CNTN1: variants seen among roughly 807,000 people sequenced by gnomAD.
CNTN1 encodes contactin 1, also known as contactin-1.
CNTN1 carries 38 observed loss-of-function variants against 126.4 expected under a neutral mutation model. That is an observed-to-expected ratio of 0.30 (90% CI 0.23 to 0.39). The LOEUF (loss-of-function observed/expected upper bound fraction) is 0.39, where lower values mean the gene tolerates loss of function less well. CNTN1 is among the 10% of genes least tolerant of loss of function. The pLI is 1.00. For synonymous variants in CNTN1, 413 were observed against 422.6 expected (o/e 0.98, Z 0.28); for missense variants, 1,009 against 1,248.4 (o/e 0.81, Z 2.89).
chr12:41,035,376 C>T (rs1174482899), intron 23 of CNTN1, among the ~76,000 whole-genome samples: 1 of 152,110 alleles, frequency 6.6e-6, no homozygotes. Context: ...AAAACTTACT[C>T]TTCAAACATT....
chr12:40,920,759 A>T (rs189315653), intron 4 of CNTN1, among the ~76,000 whole-genome samples: 6 of 152,216 alleles, frequency 3.9e-5, no homozygotes, highest in East Asian at 1.9e-4. Flanking sequence ...GGCTTTCATT[A>T]TCTTGCCCCC....
intron 1 of CNTN1, among the ~76,000 whole-genome samples, chr12:40,726,104 G>A (rs1326479693): frequency 6.6e-6 from 1 of 152,026 alleles, no homozygotes; most frequent in East Asian, 1.9e-4. Context: ...TAGGGAGGGG[G>A]AAAGAATGTG....
intron 1 of CNTN1, among the ~76,000 whole-genome samples, chr12:40,841,183 A>C (rs1942265115): frequency 1.3e-5 from 2 of 151,956 alleles, no homozygotes; most frequent in African/African-American, 4.8e-5. Flanking sequence ...ACACTGAAAA[A>C]CTGGAAATGG....
intron 18 of CNTN1, among the ~76,000 whole-genome samples, chr12:41,015,723 A>G (rs924146218): frequency 6.6e-6 from 1 of 151,166 alleles, no homozygotes; most frequent in Non-Finnish European, 1.5e-5. Flanking sequence ...TTTCTGGTAA[A>G]AAAAAAAAAA....
At chr12:41,022,223 G>A (rs1198998573) in intron 20 of CNTN1, among the ~76,000 whole-genome samples, 1 of 152,062 alleles carries the variant, frequency 6.6e-6, no homozygotes, top group African/African-American at 2.4e-5. Flanking sequence ...TTTTAATTGG[G>A]AACTAAACCT....
chr12:40,837,964 C>T (rs1210938151), intron 1 of CNTN1, among the ~76,000 whole-genome samples: 1 of 152,150 alleles, frequency 6.6e-6, no homozygotes, highest in Non-Finnish European at 1.5e-5. Context: ...GATAACCCCA[C>T]CCTCTCCAAT....
At chr12:40,704,599 G>C (rs1941688698) in intron 1 of CNTN1, among the ~76,000 whole-genome samples, 1 of 152,074 alleles carries the variant, frequency 6.6e-6, no homozygotes, top group Admixed American at 6.6e-5. Flanking sequence ...TTTATCCCTA[G>C]CTATGGCTTA....
chr12:40,847,155 T>C (rs1942540616), intron 1 of CNTN1, among the ~76,000 whole-genome samples: 1 of 152,174 alleles, frequency 6.6e-6, no homozygotes, highest in Admixed American at 6.5e-5. Flanking sequence ...CGTGAGCGAC[T>C]GTGCCTGGCC....
rs184617338 is a variant in CNTN1, at chr12:41,035,205, T to C, written c.2980+5986T>C. On this transcript the variant is annotated intron_variant, in intron 23 of 23. Coordinates refer to ENST00000551295, the MANE Select transcript of CNTN1 (RefSeq NM_001843.4). ...ACTCAGAAATAATTTTGCTGAAACA[T>C]TCCTTGATGGAACACATGTAAGAAT... Among the ~76,000 whole-genome samples, 859 of 152,302 alleles carry C rather than the reference T, an allele frequency of 5.6e-3. 23 individuals are homozygous for C. The highest frequency in any genetic ancestry group is 8.5e-3 in the Admixed American group (130 of 15,300).
At chr12:40,759,774 A>ATTTTT (rs33992864) in intron 1 of CNTN1, among the ~76,000 whole-genome samples, 14 of 133,584 alleles carry the variant, frequency 1.0e-4, no homozygotes, top group Admixed American at 4.7e-4. Flanking sequence ...TGGCCCAGAT[A>ATTTTT]TTTTTTTTTT....
chr12:40,956,096 A>G (rs1162380169), intron 14 of CNTN1, among the ~76,000 whole-genome samples: 2 of 152,116 alleles, frequency 1.3e-5, no homozygotes, highest in African/African-American at 4.8e-5. Flanking sequence ...ACTTGCTAAC[A>G]TAATTCTGAA....
chr12:40,941,302 T>C (rs1946256515), intron 12 of CNTN1, among the ~76,000 whole-genome samples: 1 of 152,178 alleles, frequency 6.6e-6, no homozygotes, highest in African/African-American at 2.4e-5. Flanking sequence ...TATGCAAATA[T>C]ATTTGAATTG....
intron 1 of CNTN1, among the ~76,000 whole-genome samples, chr12:40,712,148 T>G (rs1304167673): frequency 6.6e-6 from 1 of 152,204 alleles, no homozygotes; most frequent in Non-Finnish European, 1.5e-5. Flanking sequence ...AAAATATCCT[T>G]ATTTCATAAA....
At chr12:41,056,410 T>C (rs1949802342) in intron 23 of CNTN1, among the ~76,000 whole-genome samples, 1 of 152,152 alleles carries the variant, frequency 6.6e-6, no homozygotes, top group Admixed American at 6.6e-5. Context: ...TCTTAATCTG[T>C]ATACTATGTT....
chr12:40,943,517 A>G (rs149731986), intron 12 of CNTN1, 80 bp from the exon 13 acceptor site: 18 of 1,079,340 alleles, frequency 1.7e-5, no homozygotes, highest in Middle Eastern at 4.5e-4. Context: ...ATTGAAAAAT[A>G]TTAGTGTTTG....
At chr12:40,752,393 T>C (rs1451130118) in intron 1 of CNTN1, among the ~76,000 whole-genome samples, 1 of 152,154 alleles carries the variant, frequency 6.6e-6, no homozygotes, top group African/African-American at 2.4e-5. Flanking sequence ...TCTTTCCTTA[T>C]ATGCTCTAGA....
At chr12:40,969,723 C>T (rs1396431854) in intron 15 of CNTN1, among the ~76,000 whole-genome samples, 1 of 152,126 alleles carries the variant, frequency 6.6e-6, no homozygotes, top group Non-Finnish European at 1.5e-5. Flanking sequence ...GTGCATTTTC[C>T]AGGGCACCCC....
chr12:40,969,921 T>C (rs1218497100), intron 15 of CNTN1, among the ~76,000 whole-genome samples: 1 of 152,158 alleles, frequency 6.6e-6, no homozygotes, highest in Non-Finnish European at 1.5e-5. Flanking sequence ...TGTGTAATTA[T>C]TCCCAGAATG....
At chr12:41,041,985 C>G (rs966289063) in intron 23 of CNTN1, among the ~76,000 whole-genome samples, 2 of 152,056 alleles carry the variant, frequency 1.3e-5, no homozygotes, top group African/African-American at 4.8e-5. Context: ...TCTTGCTTTT[C>G]TAGTTCTTTT....
Sources: allele counts gnomAD v4.1 joint callset (sites outside exome capture counted in the v4.1 genomes callset), GRCh38; gene constraint gnomAD v4.1.1; transcripts MANE v1.5; gene names NCBI Gene and HGNC (gene_info 2026-07-23, HGNC 2026-07-21).